The following CCND1 variants were observed in gnomAD, a reference collection of about 807,000 sequenced individuals.
CCND1 encodes G1/S-specific cyclin-D1.
Under a neutral mutation model 26.1 loss-of-function variants are expected in CCND1, and 9 were observed. The ratio of observed to expected loss-of-function variants is 0.35; its 90% CI spans 0.21 to 0.60. CCND1 has a LOEUF of 0.60. Among genes scored for constraint, CCND1 ranks in the 20% least tolerant of loss-of-function variants. The probability of loss-of-function intolerance (pLI) is 0.79; values close to 1 mark genes in which losing one functional copy is unlikely to be tolerated. For synonymous variants in CCND1, 194 were observed against 166.1 expected, an observed-to-expected ratio of 1.17 and a Z score of -1.29; for missense variants, 335 against 392.9, an observed-to-expected ratio of 0.85 and a Z score of 1.25.
In CCND1 at chr11:69,651,347, C is replaced by A. The variant is rs7177; in HGVS notation, c.*65C>A. On this transcript the variant is annotated 3_prime_UTR_variant, in exon 5 of 5. Transcript: ENST00000227507. ...GGGCGGAGCCGGCCCCAGGTGCTCCCCTGACAGTCCCTCCTCTCCGGAGCA... is the reference window on the plus strand; with the variant it reads ...GGGCGGAGCCGGCCCCAGGTGCTCCACTGACAGTCCCTCCTCTCCGGAGCA... The A allele has an allele frequency of 0.52, 696,884 of 1,332,260 alleles. 187,568 individuals carry two copies. Among genetic ancestry groups the A allele is most frequent in the East Asian group, 0.87 (29,025 of 33,484 alleles). 82.5% of individuals were successfully genotyped at this position (1,332,260 alleles called of 1,614,324 possible). A position where few individuals can be genotyped will look rare whatever the true frequency, so the allele number is the denominator to read the frequency against.
At chr11:69,645,602 G>A (rs373765919) in intron 3 of CCND1, among the ~76,000 whole-genome samples, 16 of 152,310 alleles carry the variant, frequency 1.1e-4, no homozygotes, top group South Asian at 4.1e-4. Context: ...AAAGTGCTCC[G>A]GGTCCTGACC....
intron 3 of CCND1, 116 bp downstream of exon 3, chr11:69,644,107 T>A: frequency 1.0e-6 from 1 of 999,814 alleles, no homozygotes; most frequent in Non-Finnish European, 1.6e-6. Context: ...CCAGACCCCC[T>A]CCTGCGCTGG....
intron 4 of CCND1, among the ~76,000 whole-genome samples, chr11:69,648,883 G>T (rs1242461560): frequency 1.3e-5 from 2 of 152,136 alleles, no homozygotes; most frequent in Non-Finnish European, 2.9e-5. Context: ...AGCCTCCCGG[G>T]GACTCCGCAC....
At chr11:69,648,547 C>T (rs1056683231) in intron 4 of CCND1, among the ~76,000 whole-genome samples, 7 of 152,228 alleles carry the variant, frequency 4.6e-5, no homozygotes, top group African/African-American at 9.6e-5. Context: ...CTGTGAGGTC[C>T]GAGACACCGG....
chr11:69,653,252 G>C lies in CCND1; in HGVS notation c.*1970G>C, dbSNP rs182627279. 1.4e-6 allele frequency: 1 copy of C among 701,566 alleles called. No individual in the cohort carries two copies. The highest frequency in any genetic ancestry group is 1.7e-5 in the African/African-American group (1 of 57,166). The allele number at this position is 701,566 out of a possible 1,614,324, so 43.5% of individuals were successfully genotyped here. ...TCCATTTTCTTATTGCGCTGCTACC[G>C]TTGACTTCCAGGCACGGTTTGGAAA... On this transcript the variant is annotated 3_prime_UTR_variant, in exon 5 of 5. Coordinates refer to ENST00000227507, the MANE Select transcript of CCND1 (RefSeq NM_053056.3).
chr11:69,644,549 G>T (rs770310820), intron 3 of CCND1, among the ~76,000 whole-genome samples: 32 of 152,326 alleles, frequency 2.1e-4, no homozygotes, highest in Non-Finnish European at 3.8e-4. Context: ...AGGGGTGCCG[G>T]CAGCCAGCCG....
intron 3 of CCND1, among the ~76,000 whole-genome samples, chr11:69,645,192 CGGCA>C (rs1855763504): frequency 1.3e-5 from 2 of 152,124 alleles, no homozygotes; most frequent in Non-Finnish European, 2.9e-5. Context: ...GGGGGGCATG[CGGCA>C]GACAGGGAGG....
intron 1 of CCND1, among the ~76,000 whole-genome samples, chr11:69,641,827 G>C (rs1855706307): frequency 6.6e-6 from 1 of 151,976 alleles, no homozygotes; most frequent in Non-Finnish European, 1.5e-5. Flanking sequence ...GGTGCGCTTT[G>C]TGTCCCCCGC....
At position 69,654,215 on chromosome 11, in the gene CCND1, TTGTC is replaced by T. The variant is rs1489890920; in HGVS notation, c.*2938_*2941del. On this transcript the variant is annotated 3_prime_UTR_variant, in exon 5 of 5. Transcript: ENST00000227507. The surrounding 1 kb of genome is among the most constrained non-coding windows in gnomAD (Gnocchi z 6.3). Reference sequence around the variant, plus strand: ...CCACGCGGGGGCCTTGAGGGACGCTTTGTCTGTCGTGATGGGGCAAGGGCACAAG... The same window carrying T: ...CCACGCGGGGGCCTTGAGGGACGCTTTGTCGTGATGGGGCAAGGGCACAAG... 9 of 702,164 alleles carry T rather than the reference TTGTC, an allele frequency of 1.3e-5. No homozygotes were observed. The highest frequency in any genetic ancestry group is 1.0e-4 in the African/African-American group (6 of 57,204). 43.5% of individuals were successfully genotyped at this position (702,164 alleles called of 1,614,324 possible).
chr11:69,644,180 A>C (rs1389666243), intron 3 of CCND1, 189 bp downstream of exon 3: 1 of 633,958 alleles, frequency 1.6e-6, no homozygotes. Context: ...GGATGGAGGG[A>C]GATTTGCTCC....
intron 2 of CCND1, 190 bp downstream of exon 2, chr11:69,643,436 CTG>C: frequency 2.0e-6 from 1 of 499,720 alleles, no homozygotes. Flanking sequence ...TCCCGCCGCC[CTG>C]TGTGCGCTTG....
intron 3 of CCND1, chr11:69,644,273 A>C: frequency 2.1e-6 from 1 of 472,880 alleles, no homozygotes. Flanking sequence ...CTCGTCCTTC[A>C]GGCCAGGCAG....
rs376692814 is a variant in CCND1 at position 69,643,267 on chromosome 11, C to A, written c.414+21C>A. On this transcript the variant is annotated intron_variant, in intron 2 of 4. Coordinates refer to ENST00000227507, the MANE Select transcript of CCND1 (RefSeq NM_053056.3). ...TGCTGGTAACCACTGGACCCCGCCG[C>A]CCCCCGCCCCCCGCGAGCCGCACGC... The A allele has an allele frequency of 2.0e-6, 3 of 1,518,920 alleles. No homozygotes were observed. The East Asian group carries it at 7.4e-5, about 38-fold the overall frequency. 94.1% of individuals were successfully genotyped at this position (1,518,920 alleles called of 1,614,324 possible). A position where few individuals can be genotyped will look rare whatever the true frequency, so the allele number is the denominator to read the frequency against.
chr11:69,649,878 C>A (rs1351743464), intron 4 of CCND1, among the ~76,000 whole-genome samples: 1 of 152,206 alleles, frequency 6.6e-6, no homozygotes, highest in African/African-American at 2.4e-5. Context: ...TTGTATCTCA[C>A]CCCAGGCCTC....
intron 3 of CCND1, among the ~76,000 whole-genome samples, chr11:69,647,157 T>C (rs1359376078): frequency 6.6e-6 from 1 of 152,210 alleles, no homozygotes; most frequent in African/African-American, 2.4e-5. Context: ...ACTTGGGAAG[T>C]CACTGGAATT....
At chr11:69,647,476 G>A (rs950509939) in intron 3 of CCND1, among the ~76,000 whole-genome samples, 15 of 151,400 alleles carry the variant, frequency 9.9e-5, no homozygotes, top group Non-Finnish European at 1.9e-4. Flanking sequence ...CTGCAGCCCC[G>A]TGGCCTGGCC....
intron 3 of CCND1, among the ~76,000 whole-genome samples, 199 bp from the exon 4 acceptor site, chr11:69,647,795 G>A (rs1437673670): frequency 3.3e-5 from 5 of 152,148 alleles, no homozygotes; most frequent in Non-Finnish European, 5.9e-5. Flanking sequence ...AGGAGGGTCC[G>A]TGGGCCAGGC....
At chr11:69,647,763 T>G (rs2120107433) in intron 3 of CCND1, among the ~76,000 whole-genome samples, 1 of 152,274 alleles carries the variant, frequency 6.6e-6, no homozygotes, top group Non-Finnish European at 1.5e-5. Flanking sequence ...TATGTTTGAG[T>G]CAACAGTGGG....
rs369010361 is a variant in CCND1 at position 69,647,082 on chromosome 11, C to T, written c.575-912C>T. On this transcript the variant is annotated intron_variant, in intron 3 of 4. Coordinates refer to ENST00000227507, the MANE Select transcript of CCND1 (RefSeq NM_053056.3). ...AGCTGCTCCCTCCTGGGGCCCGGCT[C>T]CCGGCCCAGTCCTCCAGGGGTGTCC... 1.3e-4 allele frequency among the ~76,000 whole-genome samples: 20 copies of T among 152,342 alleles called. No homozygotes were observed. The East Asian group carries it at 1.3e-3, about 10-fold the overall frequency.
Sources: allele counts gnomAD v4.1 joint callset (sites outside exome capture counted in the v4.1 genomes callset), GRCh38; gene constraint gnomAD v4.1.1; non-coding constraint Gnocchi (gnomAD v3.1); transcripts MANE v1.5; gene names NCBI Gene and HGNC (gene_info 2026-07-23, HGNC 2026-07-21).